Variants in NDUFA11 observed in about 807,000 individuals in gnomAD.
NDUFA11 encodes NADH dehydrogenase [ubiquinone] 1 alpha subcomplex subunit 11.
A neutral mutation model predicts 11.3 loss-of-function variants in NDUFA11; 14 were observed. The observed-to-expected ratio is 1.24, with a 90% CI of 0.82 to 1.94. The LOEUF (loss-of-function observed/expected upper bound fraction) is 1.94. Ranked by LOEUF, NDUFA11 falls within the 30% of genes most tolerant of loss-of-function variation. NDUFA11 has a pLI of 0.00. For missense variants in NDUFA11, 204 were observed against 200.3 expected, an observed-to-expected ratio of 1.02 and a Z score of -0.11; for synonymous variants, 87 against 85.6, an observed-to-expected ratio of 1.02 and a Z score of -0.09.
intron 1 of NDUFA11, among the ~76,000 whole-genome samples, chr19:5,897,409 G>GC (rs1274370896): frequency 2.0e-5 from 3 of 152,062 alleles, no homozygotes; most frequent in Admixed American, 6.5e-5. Flanking sequence ...GCTCAGCGGC[G>GC]CCCCCCACGG....
chr19:5,899,173 A>G (rs1459316610), intron 1 of NDUFA11, among the ~76,000 whole-genome samples: 4 of 146,130 alleles, frequency 2.7e-5, no homozygotes, highest in South Asian at 2.2e-4. Context: ...TTCTTGAGAT[A>G]GAGTCTCGCT....
At chr19:5,893,370 TGA>T (rs968741843), downstream of NDUFA11, 14 of 650,386 alleles carry the variant, frequency 2.2e-5, no homozygotes, top group East Asian at 1.6e-4. This position sits in a 1 kb window ranked among gnomAD's most constrained non-coding sequence, Gnocchi z 4.1. Flanking sequence ...GAGGCTGAGA[TGA>T]GAGAGTCGCA....
chr19:5,893,447 A>C (rs1244901833), downstream of NDUFA11, among the ~76,000 whole-genome samples: 1 of 152,162 alleles, frequency 6.6e-6, no homozygotes, highest in Non-Finnish European at 1.5e-5. This position sits in a 1 kb window ranked among gnomAD's most constrained non-coding sequence, Gnocchi z 4.1. Context: ...CTTGAGAGAC[A>C]GAGCAAGACT....
downstream of NDUFA11, chr19:5,892,987 C>T (rs1256438882): frequency 2.6e-6 from 4 of 1,521,804 alleles, no homozygotes; most frequent in Admixed American, 4.0e-5. Context: ...TGTCAGGGCC[C>T]CTGCCCCTCT....
chr19:5,895,005 T>C, intron 3 of NDUFA11, 151 bp from the exon 4 acceptor site: 1 of 886,950 alleles, frequency 1.1e-6, no homozygotes, highest in Non-Finnish European at 1.7e-6. Context: ...AAGAGGGCCC[T>C]AGACTCTGGA....
downstream of NDUFA11, chr19:5,892,752 G>C: frequency 1.1e-6 from 1 of 915,570 alleles, no homozygotes; most frequent in Non-Finnish European, 1.5e-6. Context: ...ACAGAGGCCG[G>C]TGCCCTCGAG....
chr19:5,899,391 C>T (rs984876929), intron 1 of NDUFA11, among the ~76,000 whole-genome samples: 21 of 150,144 alleles, frequency 1.4e-4, no homozygotes, highest in African/African-American at 4.9e-4. Flanking sequence ...CCTCGTGATC[C>T]GCCCGCCTCG....
chr19:5,894,850 G>A lies in NDUFA11; in HGVS notation c.318C>T (p.His106=), dbSNP rs1191435502. Residue 106 remains histidine (H), a synonymous_variant, in exon 4 of 4, where the codon CAC becomes CAT. Coordinates refer to ENST00000308961, the MANE Select transcript of NDUFA11 (RefSeq NM_175614.5). ...AGGCGGCGGCGCCAATCCCGTAGTT[G>A]TGCGCTGTGGGAGTGGGGAGGTGAT... The part of the protein sequence containing the change: ...AGGLTLGART[H]NYGIGAAACV... 2 of 1,604,244 alleles carry A rather than the reference G, an allele frequency of 1.2e-6. No homozygotes were observed. Among genetic ancestry groups the A allele is most frequent in the East Asian group, 4.5e-5 (2 of 44,264 alleles).
chr19:5,897,683 C>T (rs934989407), intron 1 of NDUFA11, among the ~76,000 whole-genome samples: 2 of 152,232 alleles, frequency 1.3e-5, no homozygotes, highest in Non-Finnish European at 2.9e-5. Flanking sequence ...TTTCCCAGGC[C>T]GCCTGGCCCC....
intron 1 of NDUFA11, among the ~76,000 whole-genome samples, chr19:5,900,809 TTGGGAGGCTGAGACACAAGAATTGC>T (rs1339691149): frequency 6.6e-6 from 1 of 151,176 alleles, no homozygotes; most frequent in African/African-American, 2.4e-5. Context: ...TCCCAGCTAC[TTGGGAGGCTGAGACACAAGAATTGC>T]TGGGAGGCAG....
At chr19:5,901,420 G>C (rs116028877) in intron 1 of NDUFA11, 1 of 1,287,024 alleles carries the variant, frequency 7.8e-7, no homozygotes, top group Non-Finnish European at 1.0e-6. Flanking sequence ...TGACCCTGGA[G>C]CAGTTAATAT....
rs146562956 is a variant in NDUFA11 at position 5,903,661 on chromosome 19, G to A, written c.48C>T (p.Thr16=). Residue 16 remains threonine, a synonymous_variant, in exon 1 of 4, where the codon ACC becomes ACT. Transcript: ENST00000308961. ...FRQYWDIPDG[T]DCHRKAYSTT... Reference sequence around the variant, plus strand: ...TGCTGTAGGCTTTGCGGTGGCAATCGGTGCCATCGGGGATATCCCAGTACT... The same window carrying A: ...TGCTGTAGGCTTTGCGGTGGCAATCAGTGCCATCGGGGATATCCCAGTACT... The A allele has an allele frequency of 1.3e-3, 2,078 of 1,551,496 alleles. 26 individuals are homozygous for A. The African/African-American group carries it at 0.024, about 18-fold the overall frequency.
intron 1 of NDUFA11, 22 bp from the exon 2 acceptor site, chr19:5,897,019 C>G (rs1467163180): frequency 6.3e-7 from 1 of 1,595,564 alleles, no homozygotes; most frequent in Non-Finnish European, 8.6e-7. Context: ...AGGAGGGAGG[C>G]TGTTCAGACC....
Position 5,894,681 on chromosome 19 carries a change from CAG to C in NDUFA11, c.*59_*60del. On this transcript the variant is annotated 3_prime_UTR_variant, in exon 4 of 4. Coordinates refer to ENST00000308961, the MANE Select transcript of NDUFA11 (RefSeq NM_175614.5). ...AGCCCTCCGGACACTGACACACACA[CAG>C]ACACAGAATTTATTTCTGGACGCAT... 1 of 1,581,884 alleles carries C rather than the reference CAG, an allele frequency of 6.3e-7. No individual in the cohort carries two copies. Among genetic ancestry groups the C allele is most frequent in the Non-Finnish European group, 8.6e-7 (1 of 1,164,618 alleles).
At chr19:5,901,662 T>C (rs546863673) in intron 1 of NDUFA11, among the ~76,000 whole-genome samples, 1 of 128,726 alleles carries the variant, frequency 7.8e-6, no homozygotes, top group African/African-American at 2.7e-5. Context: ...GACTGTTTCT[T>C]TGGGTTTTTT....
Position 5,896,481 on chromosome 19 carries a change from G to T in NDUFA11, c.285C>A (p.Cys95Ter). 2 of 1,573,316 alleles carry T rather than the reference G, an allele frequency of 1.3e-6. No homozygotes were observed. Among genetic ancestry groups the T allele is most frequent in the Non-Finnish European group, 1.7e-6 (2 of 1,159,736 alleles). Residue 95 changes from cysteine (C) to a stop codon, truncating the protein, a stop_gained, in exon 3 of 4, where the codon TGC becomes TGA. Coordinates refer to ENST00000308961, the MANE Select transcript of NDUFA11 (RefSeq NM_175614.5). LOFTEE classifies it low-confidence loss of function (END_TRUNC). This position sits in a 1 kb window ranked among gnomAD's most constrained non-coding sequence, Gnocchi z 5.8. ...GTGCTCCCAGAGTCAGGCCTCCGGC[G>T]CAGCCACCGAGGAAGTAGTTCAGGG... is the stretch of plus-strand genomic sequence containing the variant. ...DDPLNYFLGG[C>*]AGGLTLGART... is the part of the protein sequence containing the mutation.
At chr19:5,898,260 G>C (rs553588334) in intron 1 of NDUFA11, among the ~76,000 whole-genome samples, 32 of 152,250 alleles carry the variant, frequency 2.1e-4, no homozygotes, top group Admixed American at 1.0e-3. Flanking sequence ...CTCCACCCCA[G>C]TTCCCCATCC....
intron 1 of NDUFA11, among the ~76,000 whole-genome samples, chr19:5,898,667 A>C (rs1008066828): frequency 6.6e-6 from 1 of 152,010 alleles, no homozygotes; most frequent in Non-Finnish European, 1.5e-5. Flanking sequence ...TGAGGTTAGG[A>C]GTTTGAGACC....
rs375356874 is a variant in NDUFA11 at position 5,903,679 on chromosome 19, C to A, written c.30G>T (p.Trp10Cys). ...GGCAATCGGTGCCATCGGGGATATC[C>A]CAGTACTGACGAAAAACCTTCGGCG... MAPKVFRQYWDIPDGTDCHR... is the reference protein window; with the variant it reads MAPKVFRQYCDIPDGTDCHR... The change falls in exon 1 of 4, where the codon TGG becomes TGT. Residue 10 changes from tryptophan to cysteine, a missense_variant. Trp to Cys is a radical substitution (Grantham distance 215). Transcript: ENST00000308961. The A allele has an allele frequency of 3.2e-6, 5 of 1,551,444 alleles. No individual in the cohort carries two copies. The African/African-American group carries it at 6.8e-5, about 21-fold the overall frequency.
Sources: allele counts gnomAD v4.1 joint callset (sites outside exome capture counted in the v4.1 genomes callset), GRCh38; gene constraint gnomAD v4.1.1; non-coding constraint Gnocchi (gnomAD v3.1); transcripts MANE v1.5; gene names NCBI Gene and HGNC (gene_info 2026-07-23, HGNC 2026-07-21).